The following FRMD6 variants were observed in gnomAD, a reference collection of about 807,000 sequenced individuals.
The protein encoded by FRMD6 is FERM domain containing 6, also known as FERM domain-containing protein 6.
In FRMD6, 37 loss-of-function variants were observed where a neutral mutation model predicts 73.2. That is an observed-to-expected ratio of 0.51 (90% CI 0.39 to 0.66). The LOEUF is 0.66. FRMD6 is among the 30% of genes least tolerant of loss of function. FRMD6 has a pLI of 0.00. For synonymous variants in FRMD6, 273 were observed against 282.2 expected (o/e 0.97, Z 0.33); for missense variants, 714 against 780.5 (o/e 0.91, Z 1.02).
chr14:51,612,546 C>T (rs1594602519), intron 2 of FRMD6, among the ~76,000 whole-genome samples: 2 of 152,184 alleles, frequency 1.3e-5, no homozygotes, highest in East Asian at 1.9e-4. Context: ...CTCAATTTCA[C>T]TTCTATAAAA....
chr14:51,627,561 G>A lies in FRMD6; in HGVS notation c.-147+57151G>A, dbSNP rs74619489. On this transcript the variant is annotated intron_variant, in intron 2 of 14. Coordinates refer to the FRMD6 transcript ENST00000356218. ...AGTGGGAGAGCACTGGGCAGAGATA[G>A]GCTGCTGGGCCAAGACAGGAAATGG... Among the ~76,000 whole-genome samples, 121 of 152,288 alleles carry A rather than the reference G, an allele frequency of 7.9e-4. 1 individual carries two copies. Among genetic ancestry groups the A allele is most frequent in the Non-Finnish European group, 1.6e-4 (11 of 68,020 alleles).
At chr14:51,494,893 C>T (rs1016490875) in intron 1 of FRMD6, among the ~76,000 whole-genome samples, 1 of 152,172 alleles carries the variant, frequency 6.6e-6, no homozygotes, top group African/African-American at 2.4e-5. Flanking sequence ...TGTCATTTGG[C>T]CACACTCTTG....
rs1065490 is a variant in FRMD6, at chr14:51,730,130, G to A, written c.*2101G>A. 6.6e-6 allele frequency: 1 copy of A among 152,152 alleles called. No individual in the cohort carries two copies. Among genetic ancestry groups the A allele is most frequent in the African/African-American group, 2.4e-5 (1 of 41,428 alleles). 9.4% of individuals were successfully genotyped at this position (152,152 alleles called of 1,614,324 possible). On this transcript the variant is annotated 3_prime_UTR_variant, in exon 14 of 14. Transcript: ENST00000344768. ...AGTTTCTTGCAAACATTTAAAAAAA[G>A]ACATATTTAAGAAAGAAAGATAAAG... is the stretch of plus-strand genomic sequence containing the variant.
At chr14:51,616,489 G>A (rs1029880871) in intron 2 of FRMD6, among the ~76,000 whole-genome samples, 4 of 152,128 alleles carry the variant, frequency 2.6e-5, no homozygotes, top group South Asian at 2.1e-4. Flanking sequence ...GCTGTGAGGC[G>A]GTCTTAAAGA....
intron 1 of FRMD6, among the ~76,000 whole-genome samples, chr14:51,518,144 C>T (rs921108938): frequency 2.6e-5 from 4 of 152,136 alleles, no homozygotes; most frequent in South Asian, 4.1e-4. Context: ...CACCTATCCC[C>T]GTGGAATTGG....
intron 2 of FRMD6, chr14:51,637,619 C>T (rs993845198): frequency 2.0e-5 from 3 of 152,146 alleles, no homozygotes; most frequent in Non-Finnish European, 2.9e-5. Flanking sequence ...CAACATTTTA[C>T]TGTACCACAC....
chr14:51,535,385 C>T (rs191156857), intron 1 of FRMD6, among the ~76,000 whole-genome samples: 4 of 152,292 alleles, frequency 2.6e-5, no homozygotes, highest in Admixed American at 2.0e-4. Flanking sequence ...CCCTAAACAA[C>T]CAATAATCTA....
chr14:51,543,507 T>A (rs1163917058), intron 1 of FRMD6, among the ~76,000 whole-genome samples: 1 of 152,050 alleles, frequency 6.6e-6, no homozygotes, highest in East Asian at 1.9e-4. Context: ...TCTGTTTGCA[T>A]TTCACATTTA....
At chr14:51,409,695 C>T in the FRMD6 span, among the ~76,000 whole-genome samples, 1 of 152,176 alleles carries the variant, frequency 6.6e-6, no homozygotes, top group Non-Finnish European at 1.5e-5. Context: ...ACCTCCCAGA[C>T]TCAATTGATC....
At chr14:51,623,798 C>T (rs192053390) in intron 2 of FRMD6, among the ~76,000 whole-genome samples, 113 of 152,096 alleles carry the variant, frequency 7.4e-4, no homozygotes, top group African/African-American at 2.6e-3. Context: ...CTTGTGTTTA[C>T]TATAGTTGTA....
intron 2 of FRMD6, among the ~76,000 whole-genome samples, chr14:51,697,191 A>G (rs1448579473): frequency 6.6e-6 from 1 of 152,186 alleles, no homozygotes; most frequent in Non-Finnish European, 1.5e-5. Flanking sequence ...TGAAATCATT[A>G]TGTCAAAGAG....
At chr14:51,562,087 CCTT>C (rs1163954802) in intron 1 of FRMD6, among the ~76,000 whole-genome samples, 1 of 152,178 alleles carries the variant, frequency 6.6e-6, no homozygotes, top group Non-Finnish European at 1.5e-5. Context: ...ATCAATTGCT[CCTT>C]CAACTCCAAG....
At chr14:51,501,530 C>T (rs1883621401) in intron 1 of FRMD6, among the ~76,000 whole-genome samples, 1 of 152,120 alleles carries the variant, frequency 6.6e-6, no homozygotes, top group Non-Finnish European at 1.5e-5. Flanking sequence ...CATCCAGGTC[C>T]TTGCAAAGGA....
chr14:51,708,290 A>C, intron 7 of FRMD6, 57 bp downstream of exon 7: 1 of 1,472,610 alleles, frequency 6.8e-7, no homozygotes, highest in East Asian at 2.3e-5. Context: ...TCTCAATAGG[A>C]TTGAGAAGGA....
the FRMD6 span, among the ~76,000 whole-genome samples, chr14:51,474,836 T>C: frequency 3.9e-5 from 6 of 152,332 alleles, no homozygotes; most frequent in East Asian, 7.7e-4. Context: ...TTTTGCCCTA[T>C]CAAACAGCTG....
At chr14:51,458,543 A>C in the FRMD6 span, among the ~76,000 whole-genome samples, 1 of 152,222 alleles carries the variant, frequency 6.6e-6, no homozygotes, top group African/African-American at 2.4e-5. Context: ...TGAATTCCTC[A>C]ATACTATCTC....
At chr14:51,469,838 G>T in the FRMD6 span, among the ~76,000 whole-genome samples, 2 of 151,862 alleles carry the variant, frequency 1.3e-5, no homozygotes, top group Admixed American at 6.6e-5. Context: ...GTGTAAGATT[G>T]CTGTTATTTC....
chr14:51,536,668 T>A (rs4901133), intron 1 of FRMD6, among the ~76,000 whole-genome samples: 2 of 151,792 alleles, frequency 1.3e-5, no homozygotes, highest in African/African-American at 4.8e-5. Flanking sequence ...CTGCCCGCCT[T>A]GGCCTCCCAA....
intron 1 of FRMD6, among the ~76,000 whole-genome samples, chr14:51,543,941 G>C (rs1163142150): frequency 6.6e-6 from 1 of 151,958 alleles, no homozygotes; most frequent in Non-Finnish European, 1.5e-5. Flanking sequence ...CCTTAGAATT[G>C]TTCTAAAATG....
Sources: allele counts gnomAD v4.1 joint callset (sites outside exome capture counted in the v4.1 genomes callset), GRCh38; gene constraint gnomAD v4.1.1; transcripts MANE v1.5; gene names NCBI Gene and HGNC (gene_info 2026-07-23, HGNC 2026-07-21).